Variants in PPFIA1 observed in about 807,000 individuals in gnomAD.
PPFIA1 encodes PPFI scaffold protein A1, also known as liprin-alpha-1.
Under a neutral mutation model 149.9 loss-of-function variants are expected in PPFIA1, and 25 were observed. The ratio of observed to expected loss-of-function variants is 0.17; its 90% CI spans 0.12 to 0.23. PPFIA1 has a LOEUF of 0.23. PPFIA1 is among the 10% of genes least tolerant of loss of function. The pLI is 1.00. For synonymous variants in PPFIA1, 549 were observed against 552.8 expected (o/e 0.99, Z 0.10); for missense variants, 1,362 against 1,506.5 (o/e 0.90, Z 1.59).
At chr11:70,370,509 C>T (rs2135356560) in intron 21 of PPFIA1, among the ~76,000 whole-genome samples, 1 of 152,094 alleles carries the variant, frequency 6.6e-6, no homozygotes, top group Admixed American at 6.5e-5. Flanking sequence ...GCCTCAGCCT[C>T]CTGAGTAGCT....
intron 15 of PPFIA1, among the ~76,000 whole-genome samples, chr11:70,346,428 T>A (rs2055710650): frequency 6.9e-6 from 1 of 144,484 alleles, no homozygotes; most frequent in Non-Finnish European, 1.5e-5. Flanking sequence ...TTACTCCAGC[T>A]TTTTTTTTTT....
intron 21 of PPFIA1, among the ~76,000 whole-genome samples, chr11:70,369,395 A>G (rs2057117788): frequency 2.0e-5 from 3 of 152,028 alleles, no homozygotes; most frequent in South Asian, 2.1e-4. Flanking sequence ...ATTTTGTTAC[A>G]TATTTTTGGA....
At chr11:70,295,634 C>T (rs1407111227) in intron 2 of PPFIA1, among the ~76,000 whole-genome samples, 6 of 132,942 alleles carry the variant, frequency 4.5e-5, no homozygotes, top group East Asian at 4.8e-4. Context: ...TAGGGGCGGC[C>T]GGGCAGAGGT....
intron 6 of PPFIA1, 42 bp from the exon 7 acceptor site, chr11:70,326,555 A>C (rs35120820): frequency 6.7e-7 from 1 of 1,493,028 alleles, no homozygotes; most frequent in Admixed American, 1.9e-5. Context: ...TTTATAGCTC[A>C]CCAAACAAGG....
intron 15 of PPFIA1, chr11:70,345,994 A>G (rs1371280384): frequency 8.8e-6 from 4 of 455,024 alleles, no homozygotes; most frequent in South Asian, 6.2e-5. Flanking sequence ...ATGGACAGTG[A>G]GTGCTCAGAT....
chr11:70,362,207 G>C (rs1329224579), intron 20 of PPFIA1, 31 bp downstream of exon 20: 1 of 1,612,880 alleles, frequency 6.2e-7, no homozygotes, highest in African/African-American at 1.3e-5. Context: ...GCAGTTGCGT[G>C]GGTTACAGTA....
Position 70,343,780 on chromosome 11 carries a change from A to G in PPFIA1, c.1819A>G (p.Arg607Gly). 6.2e-7 allele frequency: 1 copy of G among 1,614,222 alleles called. No individual in the cohort carries two copies. Among genetic ancestry groups the G allele is most frequent in the African/African-American group, 1.3e-5 (1 of 75,070 alleles). Residue 607 changes from arginine (R) to glycine (G), a missense_variant, in exon 15 of 28, where the codon AGG becomes GGG. By Grantham distance (125) the Arg-to-Gly change is moderately radical (BLOSUM62 -2). Transcript: ENST00000253925. ...DADVSDGEDD[R>G]DTLLSSVDLL... ...TGACGTGTCTGATGGTGAAGATGACAGGGACACTCTCCTCAGCTCAGTTGA... is the reference window on the plus strand; with the variant it reads ...TGACGTGTCTGATGGTGAAGATGACGGGGACACTCTCCTCAGCTCAGTTGA...
chr11:70,348,446 TG>T, intron 16 of PPFIA1, 26 bp downstream of exon 16: 2 of 1,527,444 alleles, frequency 1.3e-6, no homozygotes, highest in East Asian at 2.3e-5. Flanking sequence ...TTCCCTGCTG[TG>T]GCTGCCCTCA....
chr11:70,357,913 A>T (rs1047323810), intron 19 of PPFIA1, among the ~76,000 whole-genome samples: 1 of 152,094 alleles, frequency 6.6e-6, no homozygotes, highest in African/African-American at 2.4e-5. Flanking sequence ...AACTTGGGTA[A>T]TTGCCATTTG....
chr11:70,352,243 T>A (rs1006716922), intron 16 of PPFIA1, among the ~76,000 whole-genome samples: 1 of 152,156 alleles, frequency 6.6e-6, no homozygotes, highest in African/African-American at 2.4e-5. Context: ...GTTTGTACCT[T>A]GGTTTACTCT....
intron 21 of PPFIA1, chr11:70,367,560 T>C: frequency 4.4e-6 from 2 of 456,058 alleles, no homozygotes; most frequent in South Asian, 3.1e-5. Flanking sequence ...CTAGTTCAGA[T>C]GTTCTCTGGA....
chr11:70,362,576 T>G, intron 21 of PPFIA1, 88 bp downstream of exon 21: 8 of 1,343,636 alleles, frequency 6.0e-6, no homozygotes, highest in Non-Finnish European at 8.1e-6. Flanking sequence ...GCTTCTCCAG[T>G]TCCTTAACAG....
intron 2 of PPFIA1, among the ~76,000 whole-genome samples, chr11:70,318,566 A>G: frequency 6.6e-6 from 1 of 152,162 alleles, no homozygotes; most frequent in East Asian, 1.9e-4. Flanking sequence ...TTCTCCAGCC[A>G]CTGCACTGTT....
chr11:70,279,348 GAC>G (rs1255607299), intron 2 of PPFIA1: 1 of 202,876 alleles, frequency 4.9e-6, no homozygotes, highest in African/African-American at 2.3e-5. Flanking sequence ...GGACTAATCA[GAC>G]ACACAGCAAG....
At chr11:70,359,229 G>C (rs1240680411) in intron 19 of PPFIA1, among the ~76,000 whole-genome samples, 1 of 152,170 alleles carries the variant, frequency 6.6e-6, no homozygotes, top group African/African-American at 2.4e-5. Flanking sequence ...GACCAGGCTG[G>C]TCTTGAACTC....
intron 23 of PPFIA1, 141 bp downstream of exon 23, chr11:70,372,715 G>T: frequency 3.2e-6 from 2 of 634,902 alleles, no homozygotes; most frequent in Non-Finnish European, 2.7e-6. Flanking sequence ...TCATTGCAGA[G>T]GAGGGCTGGA....
intron 21 of PPFIA1, chr11:70,371,254 A>C (rs1367474685): frequency 5.1e-4 from 1 of 1,948 alleles, no homozygotes; most frequent in East Asian, 9.6e-3. Context: ...ATGTACCTTG[A>C]TTTCAGTCTC....
chr11:70,371,819 T>C (rs11236037), intron 21 of PPFIA1: 6,256 of 154,024 alleles, frequency 0.041, 470 homozygotes, highest in African/African-American at 0.14. Context: ...AACAAAGTGT[T>C]AAAATGTAAA....
At chr11:70,344,103 C>T (rs759855639) in intron 15 of PPFIA1, among the ~76,000 whole-genome samples, 3 of 152,242 alleles carry the variant, frequency 2.0e-5, no homozygotes, top group Admixed American at 6.5e-5. Context: ...CCCACAGTTA[C>T]GGCACTAGTA....
Sources: allele counts gnomAD v4.1 joint callset (sites outside exome capture counted in the v4.1 genomes callset), GRCh38; gene constraint gnomAD v4.1.1; transcripts MANE v1.5; gene names NCBI Gene and HGNC (gene_info 2026-07-23, HGNC 2026-07-21).